The following COL8A1 variants were observed in gnomAD, a reference collection of about 807,000 sequenced individuals.
The protein encoded by COL8A1 is collagen type VIII alpha 1 chain.
Under a neutral mutation model 42.7 loss-of-function variants are expected in COL8A1, and 21 were observed. The ratio of observed to expected loss-of-function variants is 0.49; its 90% CI spans 0.35 to 0.71. The LOEUF is 0.71. COL8A1 is among the 30% of genes least tolerant of loss of function. The pLI, the probability that COL8A1 is intolerant of heterozygous loss-of-function variation, is 0.01. For missense variants in COL8A1, 788 were observed against 962.4 expected (o/e 0.82, Z 2.40); for synonymous variants, 367 against 369.1 (o/e 0.99, Z 0.06).
chr3:99,707,119 A>G (rs767547846), intron 1 of COL8A1: 3 of 152,234 alleles, frequency 2.0e-5, no homozygotes, highest in Non-Finnish European at 4.4e-5. Context: ...TACCCTGAAT[A>G]TGTATGAAGA....
At chr3:99,768,223 A>T (rs1941502175) in intron 2 of COL8A1, among the ~76,000 whole-genome samples, 1 of 152,204 alleles carries the variant, frequency 6.6e-6, no homozygotes, top group South Asian at 2.1e-4. Flanking sequence ...TTTTTTGCAC[A>T]GTTGTTCCTA....
At chr3:99,788,583 T>G (rs1333449792) in intron 2 of COL8A1, among the ~76,000 whole-genome samples, 1 of 152,238 alleles carries the variant, frequency 6.6e-6, no homozygotes, top group Non-Finnish European at 1.5e-5. Context: ...ATTAACACTT[T>G]CAGATCTCTA....
chr3:99,791,675 C>G (rs1261034937), intron 3 of COL8A1, among the ~76,000 whole-genome samples: 1 of 152,146 alleles, frequency 6.6e-6, no homozygotes, highest in Non-Finnish European at 1.5e-5. Flanking sequence ...TTTGGTTTGT[C>G]TGGAGTTCTC....
chr3:99,753,265 ATCT>A (rs1359136152), intron 2 of COL8A1, among the ~76,000 whole-genome samples: 1 of 152,108 alleles, frequency 6.6e-6, no homozygotes, highest in Non-Finnish European at 1.5e-5. Flanking sequence ...CCACTAACTG[ATCT>A]TCTTGACACA....
rs1474665216 is a variant in COL8A1, at chr3:99,796,271, G to T, written c.*135G>T. On this transcript the variant is annotated 3_prime_UTR_variant, in exon 4 of 4. Transcript: ENST00000652472. Reference sequence around the variant, plus strand: ...AAAGTTATATGTAAGTGAAAATTTGGACCATTGTGTACAAATAAAAACTAA... The same window carrying T: ...AAAGTTATATGTAAGTGAAAATTTGTACCATTGTGTACAAATAAAAACTAA... 7 of 707,750 alleles carry T rather than the reference G, an allele frequency of 9.9e-6. No homozygotes were observed. In the Admixed American group the frequency reaches 2.3e-4, roughly 23 times the overall value. The allele number at this position is 707,750 out of a possible 1,614,324, so 43.8% of individuals were successfully genotyped here.
At chr3:99,678,481 G>A (rs1938767366) in intron 1 of COL8A1, 1 of 152,120 alleles carries the variant, frequency 6.6e-6, no homozygotes, top group African/African-American at 2.4e-5. Flanking sequence ...TGCCAGCATT[G>A]TGCTCAGCCG....
At chr3:99,643,458 A>C (rs1937552805) in intron 1 of COL8A1, among the ~76,000 whole-genome samples, 1 of 152,218 alleles carries the variant, frequency 6.6e-6, no homozygotes, top group Admixed American at 6.5e-5. Flanking sequence ...TGAATGGGGA[A>C]AAAAGCTAAG....
Position 99,795,965 on chromosome 3 carries a change from G to A in COL8A1, c.2064G>A (p.Thr688=), listed in dbSNP as rs540541234. 5.0e-6 allele frequency: 8 copies of A among 1,614,092 alleles called. No individual in the cohort carries two copies. The highest frequency in any genetic ancestry group is 2.2e-5 in the East Asian group (1 of 44,876). The change falls in exon 4 of 4, where the codon ACG becomes ACA. Residue 688 remains threonine, a synonymous_variant. Transcript: ENST00000652472. The part of the protein sequence containing the change: ...LFKNNEPVMY[T]YDEYKKGFLD... The stretch of plus-strand genomic sequence containing the variant: ...AGAACAACGAGCCCGTGATGTACAC[G>A]TACGACGAGTACAAAAAGGGCTTCC...
intron 1 of COL8A1, among the ~76,000 whole-genome samples, chr3:99,718,403 C>T (rs914441408): frequency 1.6e-4 from 24 of 151,956 alleles, no homozygotes; most frequent in African/African-American, 5.6e-4. Context: ...TCTTGTTTCT[C>T]CAACCATTCT....
At chr3:99,789,153 A>G (rs1005950362) in intron 2 of COL8A1, among the ~76,000 whole-genome samples, 2 of 152,154 alleles carry the variant, frequency 1.3e-5, no homozygotes, top group Non-Finnish European at 2.9e-5. Context: ...TGTTTTATTA[A>G]CCAATCCTTT....
chr3:99,733,112 T>C (rs574783605), intron 1 of COL8A1, among the ~76,000 whole-genome samples: 1 of 139,872 alleles, frequency 7.1e-6, no homozygotes, highest in Admixed American at 6.9e-5. Flanking sequence ...CTCTCCCAGC[T>C]TTTTTCTTTT....
Position 99,725,416 on chromosome 3 carries a change from T to A in COL8A1, c.-128-19481T>A, listed in dbSNP as rs9844595. Among the ~76,000 whole-genome samples, 751 of 152,144 alleles carry A rather than the reference T, an allele frequency of 4.9e-3. 6 individuals carry two copies. Among genetic ancestry groups the A allele is most frequent in the African/African-American group, 0.017 (693 of 41,530 alleles). The stretch of plus-strand genomic sequence containing the variant: ...CATTCTACCTGCTCATCTTTTTTTT[T>A]AATTTTATTATTATATACTTTAAGT... On this transcript the variant is annotated intron_variant, in intron 1 of 3. Transcript: ENST00000652472.
At chr3:99,657,043 A>G (rs551234674) in intron 1 of COL8A1, among the ~76,000 whole-genome samples, 3 of 152,204 alleles carry the variant, frequency 2.0e-5, no homozygotes, top group Admixed American at 1.3e-4. Context: ...AAACCTTAAG[A>G]TGGTTTCTCA....
At chr3:99,707,254 C>T (rs551594903) in intron 1 of COL8A1, 1 of 152,280 alleles carries the variant, frequency 6.6e-6, no homozygotes, top group African/African-American at 2.4e-5. Flanking sequence ...TAACCCACTT[C>T]TCACCACCAT....
At chr3:99,722,175 T>C (rs553142475) in intron 1 of COL8A1, among the ~76,000 whole-genome samples, 1 of 152,286 alleles carries the variant, frequency 6.6e-6, no homozygotes, top group African/African-American at 2.4e-5. Flanking sequence ...GTGTCATATT[T>C]TCAAAAGGCT....
intron 2 of COL8A1, among the ~76,000 whole-genome samples, chr3:99,761,555 G>A (rs1421803381): frequency 6.6e-6 from 1 of 152,172 alleles, no homozygotes; most frequent in Non-Finnish European, 1.5e-5. Context: ...TAAATTCGCA[G>A]CCTGTGTTGA....
intron 1 of COL8A1, among the ~76,000 whole-genome samples, chr3:99,740,031 G>A (rs1940853877): frequency 2.6e-5 from 4 of 152,158 alleles, no homozygotes; most frequent in Non-Finnish European, 5.9e-5. Flanking sequence ...CAAATCTCTA[G>A]GGCAGGGGCA....
intron 2 of COL8A1, among the ~76,000 whole-genome samples, chr3:99,775,890 C>G (rs2107442741): frequency 6.6e-6 from 1 of 152,268 alleles, no homozygotes; most frequent in Middle Eastern, 3.4e-3. Flanking sequence ...GTCACAAAAT[C>G]TGGGTATTGA....
intron 1 of COL8A1, among the ~76,000 whole-genome samples, chr3:99,662,715 G>A (rs1370042992): frequency 1.3e-5 from 2 of 152,180 alleles, no homozygotes; most frequent in African/African-American, 4.8e-5. Context: ...GTGGAGGGCT[G>A]AGAGAAAATA....
Sources: allele counts gnomAD v4.1 joint callset (sites outside exome capture counted in the v4.1 genomes callset), GRCh38; gene constraint gnomAD v4.1.1; transcripts MANE v1.5; gene names NCBI Gene and HGNC (gene_info 2026-07-23, HGNC 2026-07-21).